Variants in ERMP1 observed in about 807,000 individuals in gnomAD.
ERMP1 encodes the protein endoplasmic reticulum metallopeptidase 1.
ERMP1 carries 86 observed loss-of-function variants against 92.0 expected under a neutral mutation model. That is an observed-to-expected ratio of 0.93 (90% CI 0.79 to 1.12). ERMP1 has a LOEUF of 1.12. ERMP1 is among the 50% of genes most tolerant of loss of function. The probability of loss-of-function intolerance (pLI) is 0.00; values close to 1 mark genes in which losing one functional copy is unlikely to be tolerated. For synonymous variants in ERMP1, 530 were observed against 412.8 expected (o/e 1.28, Z -3.44); for missense variants, 1,342 against 1,116.3 (o/e 1.20, Z -2.88).
Position 5,787,152 on chromosome 9 carries a change from C to G in ERMP1, c.2707G>C (p.Val903Leu), listed in dbSNP as rs200756546. The G allele has an allele frequency of 8.1e-6, 13 of 1,612,666 alleles. No individual in the cohort carries two copies. In the East Asian group the frequency reaches 2.9e-4, roughly 36 times the overall value. Reference sequence around the variant, plus strand: ...AGAGCTCATCCACAAGATTAAAATACAAAGAGATCGTAGGTGCACACCCAG... The same window carrying G: ...AGAGCTCATCCACAAGATTAAAATAGAAAGAGATCGTAGGTGCACACCCAG... ...SAWVCTYDLF[V>L]F The change falls in exon 15 of 15, where the codon GTA becomes CTA. Residue 903 changes from valine (V) to leucine (L), a missense_variant. By Grantham distance (32) the Val-to-Leu change is conservative. Transcript: ENST00000339450.
intron 2 of ERMP1, among the ~76,000 whole-genome samples, chr9:5,827,141 A>G (rs1379871812): frequency 1.3e-5 from 2 of 152,198 alleles, no homozygotes; most frequent in Non-Finnish European, 2.9e-5. Flanking sequence ...CATTACTCCT[A>G]ATTGGTATCA....
Position 5,797,633 on chromosome 9 carries a change from G to A in ERMP1, c.2386+184C>T, listed in dbSNP as rs555585151. Among the ~76,000 whole-genome samples, 5 of 146,306 alleles carry A rather than the reference G, an allele frequency of 3.4e-5. No homozygotes were observed. In the South Asian group the frequency reaches 1.1e-3, roughly 33 times the overall value. ...ACTGCACTCTAGCCTGGGCGACAGA[G>A]CGAGACTCCATCTCAAAAAAAAAAA... On this transcript the variant is annotated intron_variant, in intron 13 of 14. Transcript: ENST00000339450.
Position 5,833,073 on chromosome 9 carries a change from G to A in ERMP1, c.-46C>T. The A allele has an allele frequency of 4.3e-6, 6 of 1,390,476 alleles. No homozygotes were observed. The South Asian group carries it at 4.9e-5, about 11-fold the overall frequency. The allele number at this position is 1,390,476 out of a possible 1,614,324, so 86.1% of individuals were successfully genotyped here. A position where few individuals can be genotyped will look rare whatever the true frequency, so the allele number is the denominator to read the frequency against. On this transcript the variant is annotated 5_prime_UTR_variant, in exon 1 of 15. Coordinates refer to ENST00000339450, the MANE Select transcript of ERMP1 (RefSeq NM_024896.3). ...AGCCCAACCGCCCCAACCCGCGACA[G>A]CCCCGGCCGCCGCCGACGCCGCCGT...
At chr9:5,789,895 G>A (rs1014662044) in intron 13 of ERMP1, among the ~76,000 whole-genome samples, 4 of 145,784 alleles carry the variant, frequency 2.7e-5, no homozygotes, top group African/African-American at 1.0e-4. Flanking sequence ...TGTTGCCCAG[G>A]CTGGTCTCGA....
rs371836483 is a variant in ERMP1, at chr9:5,785,919, C to G, written c.*1225G>C. 1 of 152,334 alleles carries G rather than the reference C, an allele frequency of 6.6e-6. No homozygotes were observed. Among genetic ancestry groups the G allele is most frequent in the South Asian group, 2.1e-4 (1 of 4,834 alleles). The allele number at this position is 152,334 out of a possible 1,614,324, so 9.4% of individuals were successfully genotyped here. A position where few individuals can be genotyped will look rare whatever the true frequency, so the allele number is the denominator to read the frequency against. On this transcript the variant is annotated 3_prime_UTR_variant, in exon 15 of 15. Coordinates refer to ENST00000339450, the MANE Select transcript of ERMP1 (RefSeq NM_024896.3). ...CTCACCAATGCCCTCACTGCTGGAACCAAAAAGCCATGAGAGGTACTGCTG... is the reference window on the plus strand; with the variant it reads ...CTCACCAATGCCCTCACTGCTGGAAGCAAAAAGCCATGAGAGGTACTGCTG...
chr9:5,791,625 G>A (rs1371335204), intron 13 of ERMP1, among the ~76,000 whole-genome samples: 1 of 152,124 alleles, frequency 6.6e-6, no homozygotes, highest in Non-Finnish European at 1.5e-5. Flanking sequence ...CACCTCACAA[G>A]CAAACAAACT....
chr9:5,821,117 G>C (rs1829519103), intron 4 of ERMP1, among the ~76,000 whole-genome samples: 3 of 152,268 alleles, frequency 2.0e-5, no homozygotes, highest in Non-Finnish European at 4.4e-5. Flanking sequence ...TTCAGAACAA[G>C]TAAAACATTT....
At chr9:5,805,929 C>T in intron 8 of ERMP1, 144 bp from the exon 9 acceptor site, 1 of 604,106 alleles carries the variant, frequency 1.7e-6, no homozygotes. Context: ...TTAAAGTAAA[C>T]ACTAACAAAG....
intron 6 of ERMP1, among the ~76,000 whole-genome samples, chr9:5,842,152 G>T (rs926462466): frequency 6.6e-6 from 1 of 152,196 alleles, no homozygotes. Context: ...ACTGGAGCAG[G>T]TTGCAGCTGC....
At chr9:5,848,933 G>A (rs1054169691) in intron 6 of ERMP1, among the ~76,000 whole-genome samples, 1 of 152,188 alleles carries the variant, frequency 6.6e-6, no homozygotes, top group Admixed American at 6.5e-5. Context: ...TTAGATGGGG[G>A]TTCTGACCTA....
At chr9:5,815,379 G>T (rs534392659) in intron 4 of ERMP1, among the ~76,000 whole-genome samples, 11 of 151,720 alleles carry the variant, frequency 7.3e-5, no homozygotes, top group Non-Finnish European at 1.3e-4. Flanking sequence ...AAGGGGCTCA[G>T]GCACTGATTT....
At chr9:5,816,636 T>C (rs977079028) in intron 4 of ERMP1, among the ~76,000 whole-genome samples, 2 of 152,158 alleles carry the variant, frequency 1.3e-5, no homozygotes, top group African/African-American at 4.8e-5. Context: ...TGCATACACA[T>C]ACATGTGTAC....
chr9:5,830,685 G>A, intron 2 of ERMP1, 42 bp downstream of exon 2: 1 of 1,511,400 alleles, frequency 6.6e-7, no homozygotes. Context: ...TAAACTTTCT[G>A]GGCTGTGACA....
chr9:5,817,457 T>C (rs1482308453), intron 4 of ERMP1, among the ~76,000 whole-genome samples: 1 of 152,252 alleles, frequency 6.6e-6, no homozygotes, highest in Non-Finnish European at 1.5e-5. Context: ...CCCAAAGTGC[T>C]GGGATTACAG....
intron 11 of ERMP1, among the ~76,000 whole-genome samples, 199 bp downstream of exon 11, chr9:5,800,977 C>G (rs1037608967): frequency 1.3e-5 from 2 of 152,210 alleles, no homozygotes; most frequent in African/African-American, 2.4e-5. Context: ...AATTCAGTCT[C>G]CTGGGAGATA....
At chr9:5,825,501 G>T (rs543563389) in intron 2 of ERMP1, among the ~76,000 whole-genome samples, 1 of 152,278 alleles carries the variant, frequency 6.6e-6, no homozygotes, top group South Asian at 2.1e-4. Flanking sequence ...TAACCTGAGG[G>T]GACCTAAAGT....
chr9:5,808,069 C>T (rs1163797106), intron 8 of ERMP1, among the ~76,000 whole-genome samples: 1 of 152,116 alleles, frequency 6.6e-6, no homozygotes, highest in Non-Finnish European at 1.5e-5. Context: ...AAGCAGTCTT[C>T]CTGCCTTGGC....
rs1178163454 is a variant in ERMP1 at position 5,830,953 on chromosome 9, GTGCACGGTCAGAATTTCA to G, written c.396_413del (p.Glu133_His138del). 1 of 1,614,100 alleles carries G rather than the reference GTGCACGGTCAGAATTTCA, an allele frequency of 6.2e-7. No individual in the cohort carries two copies. ...TCAGTTTAATCTGTTCCAAAAGGTAGTGCACGGTCAGAATTTCATTTTCTGGACTTCCTGTAGTCCTGG... is the reference window on the plus strand; with the variant it reads ...TCAGTTTAATCTGTTCCAAAAGGTAGTTTTCTGGACTTCCTGTAGTCCTGG... On this transcript the variant is annotated inframe_deletion, in exon 2 of 15. Transcript: ENST00000339450.
intron 6 of ERMP1, among the ~76,000 whole-genome samples, chr9:5,844,267 TTTTG>T (rs1270939224): frequency 3.3e-5 from 5 of 152,120 alleles, no homozygotes; most frequent in Admixed American, 6.5e-5. Context: ...TTTTGTGTTT[TTTTG>T]TTTGTTTGTT....
Sources: gnomAD v4.1 joint callset for allele counts (sites outside exome capture counted in the v4.1 genomes callset) on GRCh38, gnomAD v4.1.1 for gene constraint, MANE v1.5 for transcripts, NCBI Gene and HGNC (gene_info 2026-07-23, HGNC 2026-07-21) for gene names.